Variants in TTBK2 observed in about 807,000 individuals in gnomAD.
TTBK2 encodes tau tubulin kinase 2.
A neutral mutation model predicts 110.8 loss-of-function variants in TTBK2; 28 were observed. The ratio of observed to expected loss-of-function variants is 0.25; its 90% CI spans 0.19 to 0.35. The LOEUF is 0.35. Among genes scored for constraint, TTBK2 ranks in the 10% least tolerant of loss-of-function variants. TTBK2 has a pLI of 1.00. For missense variants in TTBK2, 1,369 were observed against 1,500.3 expected (o/e 0.91, Z 1.45); for synonymous variants, 532 against 527.3 (o/e 1.01, Z -0.12).
Position 42,745,731 on chromosome 15 carries a change from G to A in TTBK2, c.*64C>T. ...TGATTTTTTTACATAGAAAGTACAG[G>A]GACACACATGCATCAGGTTTAGGAG... is the stretch of plus-strand genomic sequence containing the variant. On this transcript the variant is annotated 3_prime_UTR_variant, in exon 15 of 15. Transcript: ENST00000267890. 6.4e-7 allele frequency: 1 copy of A among 1,568,402 alleles called. No homozygotes were observed. Among genetic ancestry groups the A allele is most frequent in the Non-Finnish European group, 8.8e-7 (1 of 1,139,986 alleles).
chr15:42,780,142 C>T (rs191057752), intron 11 of TTBK2, among the ~76,000 whole-genome samples: 1 of 151,000 alleles, frequency 6.6e-6, no homozygotes, highest in East Asian at 2.0e-4. Flanking sequence ...CACCCTCAGC[C>T]TCCCAAGTAC....
intron 3 of TTBK2, among the ~76,000 whole-genome samples, chr15:42,852,655 T>C (rs1481894453): frequency 1.3e-5 from 2 of 152,200 alleles, no homozygotes; most frequent in Non-Finnish European, 2.9e-5. Context: ...ATTCTCTACA[T>C]GTCATTTTTC....
chr15:42,840,172 C>T (rs536108142), intron 4 of TTBK2, among the ~76,000 whole-genome samples, 188 bp downstream of exon 4: 2 of 152,232 alleles, frequency 1.3e-5, no homozygotes, highest in East Asian at 1.9e-4. Flanking sequence ...ACTCAAATAG[C>T]GGACAAAGAC....
chr15:42,770,200 C>G (rs1430178673), intron 13 of TTBK2, among the ~76,000 whole-genome samples: 2 of 152,024 alleles, frequency 1.3e-5, no homozygotes, highest in African/African-American at 4.8e-5. Context: ...ACCTATGTAA[C>G]AAACCTGCAC....
intron 4 of TTBK2, among the ~76,000 whole-genome samples, chr15:42,831,024 G>A (rs9920613): frequency 0.025 from 2,013 of 80,362 alleles, 57 homozygotes; most frequent in African/African-American, 0.19. Flanking sequence ...ATGTATATAT[G>A]TGTGTGTGTG....
chr15:42,861,921 G>A (rs948104333), intron 3 of TTBK2, among the ~76,000 whole-genome samples: 5 of 152,138 alleles, frequency 3.3e-5, no homozygotes, highest in South Asian at 2.1e-4. Flanking sequence ...CTGATCCCAC[G>A]GAAGTACAAA....
intron 14 of TTBK2, 38 bp downstream of exon 14, chr15:42,751,936 T>C (rs1454882247): frequency 6.2e-7 from 1 of 1,610,112 alleles, no homozygotes; most frequent in South Asian, 1.1e-5. Context: ...ATAGAAATGG[T>C]GTTACACACT....
intron 1 of TTBK2, among the ~76,000 whole-genome samples, chr15:42,883,225 T>C (rs1895114468): frequency 6.6e-6 from 1 of 151,538 alleles, no homozygotes. Context: ...CTTCTAAAAA[T>C]ACAAAATTAG....
chr15:42,745,968 T>C lies in TTBK2; in HGVS notation c.3562A>G (p.Ser1188Gly). Residue 1188 changes from serine to glycine, a missense_variant, in exon 15 of 15, where the codon AGC becomes GGC. Physicochemically the swap from Ser to Gly is moderately conservative, Grantham distance 56 (BLOSUM62 0). Transcript: ENST00000267890. The stretch of plus-strand genomic sequence containing the variant: ...CCTGAGTGGCTGGGAGGTGACTTGC[T>C]TCTCCCCAGATGTGGGGACGAACTC... ...QRSSSPHLGR[S>G]KSPPSHSGSS... The C allele has an allele frequency of 2.5e-6, 4 of 1,614,056 alleles. No homozygotes were observed. The highest frequency in any genetic ancestry group is 1.6e-4 in the Middle Eastern group (1 of 6,062).
chr15:42,823,173 A>G (rs1892380852), intron 6 of TTBK2, among the ~76,000 whole-genome samples: 1 of 152,208 alleles, frequency 6.6e-6, no homozygotes, highest in Non-Finnish European at 1.5e-5. Flanking sequence ...TTAGGAAGGG[A>G]GCAACGAGAA....
At chr15:42,883,377 C>T (rs978090919) in intron 1 of TTBK2, among the ~76,000 whole-genome samples, 12 of 50,276 alleles carry the variant, frequency 2.4e-4, no homozygotes, top group African/African-American at 8.5e-4. Flanking sequence ...AACTCCACCT[C>T]AAAAAAAAAA....
chr15:42,829,831 AT>A, intron 5 of TTBK2, 106 bp downstream of exon 5: 1 of 1,485,534 alleles, frequency 6.7e-7, no homozygotes, highest in Middle Eastern at 2.1e-4. Context: ...ATTACCTTGT[AT>A]TTTACCACAG....
intron 1 of TTBK2, among the ~76,000 whole-genome samples, chr15:42,884,617 C>T (rs1895171543): frequency 6.6e-6 from 1 of 152,200 alleles, no homozygotes; most frequent in South Asian, 2.1e-4. Context: ...AGGGCTGGAA[C>T]TTTCGGCCCC....
At chr15:42,760,817 A>AT (rs888006586) in intron 13 of TTBK2, among the ~76,000 whole-genome samples, 1 of 152,212 alleles carries the variant, frequency 6.6e-6, no homozygotes, top group Non-Finnish European at 1.5e-5. Flanking sequence ...TACCAATGAC[A>AT]TTTTTTGCAG....
In TTBK2 at chr15:42,779,795, A is replaced by G. The variant is rs570900219; in HGVS notation, c.1198-2553T>C. On this transcript the variant is annotated intron_variant, in intron 11 of 14. Transcript: ENST00000267890. ...AGGAGTTCAAGACTTAGCCTGGCCA[A>G]TACGGTGAAGCCCCATCTCTACCAA... 1.5e-3 allele frequency among the ~76,000 whole-genome samples: 224 copies of G among 152,208 alleles called. 1 individual carries two copies. Among genetic ancestry groups the G allele is most frequent in the African/African-American group, 5.1e-3 (210 of 41,546 alleles).
intron 3 of TTBK2, among the ~76,000 whole-genome samples, chr15:42,864,847 AAG>A (rs1894302808): frequency 6.6e-6 from 1 of 152,218 alleles, no homozygotes; most frequent in African/African-American, 2.4e-5. Flanking sequence ...TAATTGATCT[AAG>A]AGATAACAGT....
intron 3 of TTBK2, chr15:42,871,428 G>A (rs1315662958): frequency 2.0e-6 from 2 of 985,116 alleles, no homozygotes; most frequent in Non-Finnish European, 2.4e-6. Flanking sequence ...GGGTGGCAAA[G>A]CTGTATCCTG....
rs75909977 is a variant in TTBK2 at position 42,841,734 on chromosome 15, G to A, written c.218-1301C>T. Among the ~76,000 whole-genome samples, 571 of 152,290 alleles carry A rather than the reference G, an allele frequency of 3.7e-3. 4 individuals are homozygous for A. Among genetic ancestry groups the A allele is most frequent in the African/African-American group, 0.013 (555 of 41,554 alleles). On this transcript the variant is annotated intron_variant, in intron 3 of 14. Transcript: ENST00000267890. ...CACGAGAAAGAATAAGGGGATTAGA[G>A]ATAGATAAAATAAGATAAATCTGAC...
chr15:42,871,631 A>T, intron 3 of TTBK2: 1 of 974,740 alleles, frequency 1.0e-6, no homozygotes, highest in Non-Finnish European at 1.2e-6. Flanking sequence ...AGTTGAGAAC[A>T]ACAACTCAAG....
Sources: gnomAD v4.1 joint callset for allele counts (sites outside exome capture counted in the v4.1 genomes callset) on GRCh38, gnomAD v4.1.1 for gene constraint, MANE v1.5 for transcripts, NCBI Gene and HGNC (gene_info 2026-07-23, HGNC 2026-07-21) for gene names.